LRRIQ3: variants seen among roughly 807,000 people sequenced by gnomAD.
LRRIQ3 encodes the protein leucine rich repeats and IQ motif containing 3, also known as leucine-rich repeat and IQ domain-containing protein 3.
In LRRIQ3, 75 loss-of-function variants were observed where a neutral mutation model predicts 59.3. The observed-to-expected ratio is 1.26, with a 90% CI of 1.05 to 1.53. LRRIQ3 has a LOEUF of 1.53. Ranked by LOEUF, LRRIQ3 falls within the 40% of genes most tolerant of loss-of-function variation. The pLI, the probability that LRRIQ3 is intolerant of heterozygous loss-of-function variation, is 0.00. For missense variants in LRRIQ3, 831 were observed against 710.0 expected (o/e 1.17, Z -1.94); for synonymous variants, 250 against 231.3 (o/e 1.08, Z -0.73).
rs1331220750 is a variant in LRRIQ3 at position 74,084,173 on chromosome 1, T to C, written c.868-9383A>G. ...CACTGATGAGAGATGAATACACACA[T>C]CCAGCCCACTTCAGTGAAAATTGAC... On this transcript the variant is annotated intron_variant, in intron 5 of 7. Coordinates refer to ENST00000354431, the MANE Select transcript of LRRIQ3 (RefSeq NM_001105659.2). The C allele has an allele frequency of 3.9e-6, 6 of 1,547,240 alleles. No homozygotes were observed. The Admixed American group carries it at 9.8e-5, about 25-fold the overall frequency.
Position 74,198,032 on chromosome 1 carries a change from A to G in LRRIQ3, c.-37T>C. The G allele has an allele frequency of 1.4e-6, 1 of 719,070 alleles. No homozygotes were observed. Among genetic ancestry groups the G allele is most frequent in the Non-Finnish European group, 2.1e-6 (1 of 465,710 alleles). The allele number at this position is 719,070 out of a possible 1,614,324, so 44.5% of individuals were successfully genotyped here. ...GGCTGCAAGCCCTTATGAGTTGGAG[A>G]CAAGTGGCCCAGCCCCAACACAGTC... On this transcript the variant is annotated 5_prime_UTR_variant, in exon 1 of 8. Coordinates refer to ENST00000354431, the MANE Select transcript of LRRIQ3 (RefSeq NM_001105659.2).
chr1:74,066,011 AC>A (rs1654855242), intron 6 of LRRIQ3, among the ~76,000 whole-genome samples: 1 of 151,912 alleles, frequency 6.6e-6, no homozygotes, highest in Admixed American at 6.6e-5. Context: ...ACATAGTGAA[AC>A]CCCATCTCTA....
intron 4 of LRRIQ3, among the ~76,000 whole-genome samples, chr1:74,127,153 T>C (rs1473304207): frequency 6.6e-6 from 1 of 151,960 alleles, no homozygotes; most frequent in Non-Finnish European, 1.5e-5. Flanking sequence ...GTATCATGTC[T>C]GGTATAAGTA....
At chr1:74,183,246 T>A in intron 2 of LRRIQ3, 190 bp downstream of exon 2, 1 of 429,338 alleles carries the variant, frequency 2.3e-6, no homozygotes, top group Non-Finnish European at 4.1e-6. Context: ...ACACTATTTA[T>A]GTATTTTCAT....
intron 2 of LRRIQ3, 117 bp downstream of exon 2, chr1:74,183,319 G>T: frequency 2.3e-6 from 2 of 878,902 alleles, no homozygotes; most frequent in Non-Finnish European, 3.3e-6. Flanking sequence ...TTAAATTTTT[G>T]TTTATATTTT....
intron 6 of LRRIQ3, among the ~76,000 whole-genome samples, chr1:74,050,141 C>G (rs546415357): frequency 3.9e-5 from 6 of 152,156 alleles, no homozygotes; most frequent in African/African-American, 1.4e-4. Context: ...TCAGGCTGCT[C>G]TCAAACTCCT....
At chr1:74,152,549 T>G (rs1648059476) in intron 4 of LRRIQ3, among the ~76,000 whole-genome samples, 1 of 152,134 alleles carries the variant, frequency 6.6e-6, no homozygotes, top group South Asian at 2.1e-4. Flanking sequence ...GCAACCAAAA[T>G]TCAAAGGGAA....
chr1:74,031,159 T>G (rs1389067043), intron 7 of LRRIQ3, among the ~76,000 whole-genome samples: 1 of 152,182 alleles, frequency 6.6e-6, no homozygotes. Context: ...TTTACATTGT[T>G]GGTGGGACTG....
In LRRIQ3 at chr1:74,053,491, G is replaced by A. The variant is rs750026111; in HGVS notation, c.998-11558C>T. ...TCAAAACACACAGTTGATAAAGAAC[G>A]TTATTAAAACTCAACAATAATAAAA... On this transcript the variant is annotated intron_variant, in intron 6 of 7. Transcript: ENST00000354431. Among the ~76,000 whole-genome samples the A allele has an allele frequency of 3.9e-5, 6 of 151,988 alleles. No homozygotes were observed. In the East Asian group the frequency reaches 7.7e-4, roughly 20 times the overall value.
At chr1:74,042,321 G>C (rs116643572) in intron 6 of LRRIQ3, among the ~76,000 whole-genome samples, 338 of 152,168 alleles carry the variant, frequency 2.2e-3, no homozygotes, top group Non-Finnish European at 2.5e-3. Flanking sequence ...GTAGCACTGA[G>C]AACCAGTGAA....
intron 4 of LRRIQ3, among the ~76,000 whole-genome samples, chr1:74,125,853 A>C (rs1646928041): frequency 6.6e-6 from 1 of 151,818 alleles, no homozygotes; most frequent in African/African-American, 2.4e-5. Flanking sequence ...TTATCAGGAT[A>C]ATACTGGCCT....
intron 3 of LRRIQ3, among the ~76,000 whole-genome samples, chr1:74,161,036 A>T (rs1434511130): frequency 6.6e-6 from 1 of 152,062 alleles, no homozygotes; most frequent in African/African-American, 2.4e-5. Context: ...TAAACAACAG[A>T]AACTTATTTC....
chr1:74,164,413 A>C (rs186447097), intron 3 of LRRIQ3, among the ~76,000 whole-genome samples: 8 of 151,656 alleles, frequency 5.3e-5, no homozygotes, highest in African/African-American at 1.9e-4. Context: ...GACAGGGAGA[A>C]GAAGAGCATC....
intron 4 of LRRIQ3, among the ~76,000 whole-genome samples, chr1:74,146,681 G>A (rs1647590469): frequency 1.3e-5 from 2 of 152,132 alleles, no homozygotes; most frequent in Admixed American, 1.3e-4. Flanking sequence ...ATATGGGCCT[G>A]AGTCCTGTGT....
intron 4 of LRRIQ3, among the ~76,000 whole-genome samples, chr1:74,140,691 A>G (rs1488876374): frequency 6.6e-6 from 1 of 151,856 alleles, no homozygotes; most frequent in Admixed American, 6.6e-5. Context: ...CTGAAATCAT[A>G]TAGGACAGGA....
Position 74,053,608 on chromosome 1 carries a change from G to C in LRRIQ3, c.998-11675C>G, listed in dbSNP as rs181615407. On this transcript the variant is annotated intron_variant, in intron 6 of 7. Coordinates refer to ENST00000354431, the MANE Select transcript of LRRIQ3 (RefSeq NM_001105659.2). ...TTTGGCTAAGGCAGGAGGATTGCTT[G>C]AGCCAGAGTTTCAGGTTGCAACAGG... is the stretch of plus-strand genomic sequence containing the variant. 7.2e-5 allele frequency among the ~76,000 whole-genome samples: 11 copies of C among 152,182 alleles called. No individual in the cohort carries two copies. In the East Asian group the frequency reaches 2.1e-3, roughly 29 times the overall value.
intron 3 of LRRIQ3, among the ~76,000 whole-genome samples, chr1:74,156,820 A>C (rs998087295): frequency 6.6e-6 from 1 of 152,122 alleles, no homozygotes; most frequent in Non-Finnish European, 1.5e-5. Flanking sequence ...TTGAGATCGT[A>C]GGCTCAGTAT....
chr1:74,125,593 TATCA>T (rs1313820066), intron 4 of LRRIQ3, among the ~76,000 whole-genome samples: 3 of 151,888 alleles, frequency 2.0e-5, no homozygotes, highest in Non-Finnish European at 4.4e-5. Context: ...GCTTTTTCAG[TATCA>T]ATTAAAATAA....
chr1:74,105,337 C>T (rs1225124269), intron 5 of LRRIQ3, among the ~76,000 whole-genome samples: 1 of 151,378 alleles, frequency 6.6e-6, no homozygotes, highest in Non-Finnish European at 1.5e-5. Flanking sequence ...CTGCAACCTC[C>T]GCCTCTGGGA....
Sources: gnomAD v4.1 joint callset for allele counts (sites outside exome capture counted in the v4.1 genomes callset) on GRCh38, gnomAD v4.1.1 for gene constraint, MANE v1.5 for transcripts, NCBI Gene and HGNC (gene_info 2026-07-23, HGNC 2026-07-21) for gene names.